DLGAP1: variants seen among roughly 807,000 people sequenced by gnomAD.
DLGAP1 encodes the protein DLG associated protein 1, also known as disks large-associated protein 1.
DLGAP1 carries 11 observed loss-of-function variants against 90.8 expected under a neutral mutation model. The observed-to-expected ratio is 0.12, with a 90% CI of 0.08 to 0.20. DLGAP1 has a LOEUF of 0.20. Among genes scored for constraint, DLGAP1 ranks in the 10% least tolerant of loss-of-function variants. The probability of loss-of-function intolerance (pLI) is 1.00; values close to 1 mark genes in which losing one functional copy is unlikely to be tolerated. For synonymous variants in DLGAP1, 558 were observed against 540.7 expected, an observed-to-expected ratio of 1.03 and a Z score of -0.44; for missense variants, 1,050 against 1,333.8, an observed-to-expected ratio of 0.79 and a Z score of 3.31.
Position 3,772,344 on chromosome 18 carries a change from CTCTCTTTCTTTCTT to C in DLGAP1, c.1173-29846_1173-29833del, listed in dbSNP as rs1238553323. On this transcript the variant is annotated intron_variant, in intron 5 of 12. Coordinates refer to ENST00000315677, the MANE Select transcript of DLGAP1 (RefSeq NM_004746.4). ...TTCCTTTCTCTCCTTCTCTCTCTCT[CTCTCTTTCTTTCTT>C]TCTTTCTTTCTTTCTTTCTTTCTTT... 7.9e-3 allele frequency among the ~76,000 whole-genome samples: 120 copies of C among 15,240 alleles called. 10 individuals carry two copies. Among genetic ancestry groups the C allele is most frequent in the African/African-American group, 0.02 (108 of 5,302 alleles). 10.0% of individuals were successfully genotyped at this position (15,240 alleles called of 152,430 possible).
intron 3 of DLGAP1, among the ~76,000 whole-genome samples, chr18:3,924,292 A>G (rs1442366): frequency 0.62 from 93,743 of 151,994 alleles, 30,553 homozygotes; most frequent in East Asian, 0.88. Flanking sequence ...ATGGGGAAAT[A>G]TAAAAAGCTT....
At chr18:4,125,205 A>G (rs1030319418) in intron 2 of DLGAP1, among the ~76,000 whole-genome samples, 2 of 152,190 alleles carry the variant, frequency 1.3e-5, no homozygotes, top group Non-Finnish European at 2.9e-5. Context: ...CTTATGGGTG[A>G]TGGATATGTA....
At chr18:4,398,632 T>C (rs1276086848) in intron 1 of DLGAP1, among the ~76,000 whole-genome samples, 1 of 152,168 alleles carries the variant, frequency 6.6e-6, no homozygotes, top group Admixed American at 6.5e-5. Flanking sequence ...AAAAGATAAA[T>C]ATAGGAGCCA....
chr18:4,279,644 C>T (rs984615858), intron 1 of DLGAP1, among the ~76,000 whole-genome samples: 2 of 152,044 alleles, frequency 1.3e-5, no homozygotes, highest in African/African-American at 4.8e-5. Flanking sequence ...ATGTGTCTAA[C>T]GTATTGAATA....
At chr18:3,588,376 T>C (rs773918866) in intron 7 of DLGAP1, among the ~76,000 whole-genome samples, 5 of 151,970 alleles carry the variant, frequency 3.3e-5, no homozygotes, top group Admixed American at 6.6e-5. Context: ...GGAGAATCAC[T>C]TGAACCTGGG....
intron 1 of DLGAP1, among the ~76,000 whole-genome samples, chr18:4,380,823 A>C (rs1255246021): frequency 6.6e-6 from 1 of 152,176 alleles, no homozygotes; most frequent in African/African-American, 2.4e-5. Context: ...CTGTTCCAGC[A>C]TCAGGACTCA....
At chr18:3,821,536 G>A (rs916331567) in intron 4 of DLGAP1, among the ~76,000 whole-genome samples, 8 of 152,074 alleles carry the variant, frequency 5.3e-5, no homozygotes, top group Non-Finnish European at 8.8e-5. Flanking sequence ...AAACGTTCTC[G>A]TGTCACTAAT....
chr18:4,326,117 C>T (rs991344202), intron 1 of DLGAP1, among the ~76,000 whole-genome samples: 4 of 152,116 alleles, frequency 2.6e-5, no homozygotes, highest in East Asian at 1.9e-4. Flanking sequence ...ATGGATCCCA[C>T]GAAGATCTAA....
At position 4,269,074 on chromosome 18, in the gene DLGAP1, T is replaced by A. The variant is rs866873998; in HGVS notation, c.-266-117787A>T. 3.2e-4 allele frequency among the ~76,000 whole-genome samples: 48 copies of A among 151,996 alleles called. 1 individual carries two copies. Among genetic ancestry groups the A allele is most frequent in the African/African-American group, 1.1e-3 (47 of 41,510 alleles). On this transcript the variant is annotated intron_variant, in intron 1 of 12. Coordinates refer to ENST00000315677, the MANE Select transcript of DLGAP1 (RefSeq NM_004746.4). ...AATTGGCAAATCAGAGTAGTCCCAG[T>A]TAATATTAACTCTTATAATATCAAG...
intron 5 of DLGAP1, among the ~76,000 whole-genome samples, chr18:3,803,600 A>C (rs2066416561): frequency 6.6e-6 from 1 of 152,186 alleles, no homozygotes; most frequent in African/African-American, 2.4e-5. Context: ...GCTGTAAGTC[A>C]AGAACAATGT....
At chr18:3,644,843 A>G (rs1004506222) in intron 7 of DLGAP1, among the ~76,000 whole-genome samples, 3 of 151,746 alleles carry the variant, frequency 2.0e-5, no homozygotes, top group African/African-American at 4.9e-5. Flanking sequence ...GCTGCAAAAC[A>G]TAACTAGAAA....
intron 1 of DLGAP1, among the ~76,000 whole-genome samples, chr18:4,153,838 C>T (rs1598495855): frequency 6.6e-6 from 1 of 152,238 alleles, no homozygotes; most frequent in Middle Eastern, 3.4e-3. Context: ...AAGGGGTCCT[C>T]GTTCCTGGAC....
At chr18:4,452,673 G>T (rs1440922993) in intron 1 of DLGAP1, among the ~76,000 whole-genome samples, 1 of 152,114 alleles carries the variant, frequency 6.6e-6, no homozygotes, top group Non-Finnish European at 1.5e-5. Context: ...TTGGAAGGAA[G>T]GTCTTGTCTC....
intron 7 of DLGAP1, among the ~76,000 whole-genome samples, chr18:3,614,834 AG>A (rs1324449066): frequency 1.4e-5 from 2 of 140,942 alleles, no homozygotes; most frequent in Non-Finnish European, 3.0e-5. Flanking sequence ...GGGCAACAAG[AG>A]TGAAACTCTG....
At chr18:3,821,288 C>CAAAAAA (rs56279066) in intron 4 of DLGAP1, among the ~76,000 whole-genome samples, 3 of 72,718 alleles carry the variant, frequency 4.1e-5, no homozygotes, top group Non-Finnish European at 7.7e-5. Context: ...GACTCTGTGT[C>CAAAAAA]AAAAAAAAAA....
At chr18:4,399,742 G>T (rs1409123607) in intron 1 of DLGAP1, among the ~76,000 whole-genome samples, 1 of 152,152 alleles carries the variant, frequency 6.6e-6, no homozygotes, top group Non-Finnish European at 1.5e-5. Flanking sequence ...AGAAGCAAGA[G>T]GCATAGAGAG....
intron 9 of DLGAP1, among the ~76,000 whole-genome samples, chr18:3,547,503 G>A (rs2053126318): frequency 1.3e-5 from 2 of 151,414 alleles, no homozygotes; most frequent in African/African-American, 4.9e-5. Context: ...GGCCAATAGA[G>A]ACATGAAAAG....
intron 1 of DLGAP1, among the ~76,000 whole-genome samples, chr18:4,204,205 T>C (rs1568449191): frequency 6.6e-6 from 1 of 152,234 alleles, no homozygotes; most frequent in Non-Finnish European, 1.5e-5. Context: ...AGAGTTTGAA[T>C]AGGTACTAAG....
intron 5 of DLGAP1, among the ~76,000 whole-genome samples, chr18:3,772,254 CTT>C (rs1427811263): frequency 6.9e-6 from 1 of 145,614 alleles, no homozygotes; most frequent in Non-Finnish European, 1.5e-5. Flanking sequence ...TCTTTCCTTC[CTT>C]TCTTTCTCTC....
Sources: gnomAD v4.1 joint callset for allele counts (sites outside exome capture counted in the v4.1 genomes callset) on GRCh38, gnomAD v4.1.1 for gene constraint, MANE v1.5 for transcripts, NCBI Gene and HGNC (gene_info 2026-07-23, HGNC 2026-07-21) for gene names.